Variants in EWSR1 observed in about 807,000 individuals in gnomAD.
EWSR1 encodes the protein RNA-binding protein EWS.
A neutral mutation model predicts 92.1 loss-of-function variants in EWSR1; 14 were observed. The ratio of observed to expected loss-of-function variants is 0.15; its 90% CI spans 0.10 to 0.24. The LOEUF is 0.24. Among genes scored for constraint, EWSR1 ranks in the 10% least tolerant of loss-of-function variants. EWSR1 has a pLI of 1.00. For missense variants in EWSR1, 637 were observed against 870.9 expected, an observed-to-expected ratio of 0.73 and a Z score of 3.38; for synonymous variants, 303 against 292.9, an observed-to-expected ratio of 1.03 and a Z score of -0.35.
At chr22:29,282,765 T>A (rs1401332127) in intron 6 of EWSR1, among the ~76,000 whole-genome samples, 3 of 151,632 alleles carry the variant, frequency 2.0e-5, no homozygotes, top group Non-Finnish European at 4.4e-5. Context: ...TTTTTCTTTT[T>A]TTTTTTTTTT....
intron 8 of EWSR1, chr22:29,290,211 C>T (rs868073771): frequency 2.4e-5 from 12 of 510,510 alleles, no homozygotes; most frequent in Middle Eastern, 4.9e-4. Flanking sequence ...AGCAGTCTGT[C>T]GGATCCTGTG....
Position 29,299,747 on chromosome 22 carries a change from C to T in EWSR1, c.1827C>T (p.Gly609=), listed in dbSNP as rs182236482. 7 of 1,609,206 alleles carry T rather than the reference C, an allele frequency of 4.3e-6. No individual in the cohort carries two copies. Among genetic ancestry groups the T allele is most frequent in the Admixed American group, 1.7e-5 (1 of 59,518 alleles). The change falls in exon 16 of 17, where the codon GGC becomes GGT. Residue 609 remains glycine, a synonymous_variant. Transcript: ENST00000397938. ...FRGGRGMDRG[G]FGGGRRGGPG... is the part of the protein sequence containing the mutation. ...GTGGCCGGGGCATGGACCGAGGTGGCTTTGGTGGAGGAAGACGAGGTGGCC... is the reference window on the plus strand; with the variant it reads ...GTGGCCGGGGCATGGACCGAGGTGGTTTTGGTGGAGGAAGACGAGGTGGCC...
chr22:29,292,107 A>T (rs1461998349), intron 9 of EWSR1, 30 bp from the exon 10 acceptor site: 1 of 1,608,766 alleles, frequency 6.2e-7, no homozygotes, highest in Non-Finnish European at 8.5e-7. Flanking sequence ...TGCACTAATA[A>T]TATTTTATAT....
rs143683173 is a variant in EWSR1 at position 29,296,798 on chromosome 22, T to C, written c.1294+430T>C. ...GCTTGCACCTGTAATCCCAGCACTT[T>C]GGGAGGCCAACATCGGTGCATTGCT... On this transcript the variant is annotated intron_variant, in intron 12 of 16. Coordinates refer to ENST00000397938, the MANE Select transcript of EWSR1 (RefSeq NM_005243.4). Among the ~76,000 whole-genome samples, 48 of 152,290 alleles carry C rather than the reference T, an allele frequency of 3.2e-4. No individual in the cohort carries two copies. In the East Asian group the frequency reaches 8.5e-3, roughly 27 times the overall value.
chr22:29,288,725 G>C lies in EWSR1; in HGVS notation c.913G>C (p.Gly305Arg). 1.2e-6 allele frequency: 2 copies of C among 1,613,892 alleles called. No homozygotes were observed. The highest frequency in any genetic ancestry group is 1.7e-6 in the Non-Finnish European group (2 of 1,179,824). ...SGPDNRGRGRGGFDRGGMSRG... is the reference protein window; with the variant it reads ...SGPDNRGRGRRGFDRGGMSRG... Reference sequence around the variant, plus strand: ...CCCTGATAACCGGGGCAGGGGAAGAGGGGGATTTGATCGTGGAGGCATGAG... The same window carrying C: ...CCCTGATAACCGGGGCAGGGGAAGACGGGGATTTGATCGTGGAGGCATGAG... Residue 305 changes from glycine to arginine, a missense_variant, in exon 8 of 17, where the codon GGG becomes CGG. Around this residue, in one of 5 missense-constraint regions of EWSR1, gnomAD observed 116 missense variants for 167.8 expected, o/e 0.69. Transcript: ENST00000397938.
At chr22:29,276,253 T>G (rs2146946028) in intron 4 of EWSR1, 1 of 230,374 alleles carries the variant, frequency 4.3e-6, no homozygotes, top group Non-Finnish European at 8.6e-6. Flanking sequence ...ATGAATGCCT[T>G]ATGTGGTTGA....
At chr22:29,269,654 A>C (rs995311840) in intron 1 of EWSR1, 1 of 152,254 alleles carries the variant, frequency 6.6e-6, no homozygotes, top group African/African-American at 2.4e-5. Context: ...ATCTGTGGTC[A>C]ATAAACAGGT....
intron 6 of EWSR1, among the ~76,000 whole-genome samples, chr22:29,286,398 C>T (rs1039203034): frequency 2.0e-5 from 3 of 151,966 alleles, no homozygotes; most frequent in Admixed American, 2.0e-4. Flanking sequence ...TATAATATTT[C>T]CCCCTCCCAG....
chr22:29,298,697 G>A (rs1307585642), intron 13 of EWSR1, 36 bp from the exon 14 acceptor site: 3 of 1,611,816 alleles, frequency 1.9e-6, no homozygotes, highest in Middle Eastern at 2.1e-4. Flanking sequence ...GTGCTACAGA[G>A]AAATGATTTG....
chr22:29,299,994 CT>C, intron 16 of EWSR1, 127 bp from the exon 17 acceptor site: 1 of 1,227,578 alleles, frequency 8.1e-7, no homozygotes, highest in East Asian at 2.7e-5. Flanking sequence ...CCTGGGGGCT[CT>C]GGAAGGGCTT....
intron 8 of EWSR1, chr22:29,289,996 A>G (rs2060330435): frequency 4.3e-6 from 1 of 233,188 alleles, no homozygotes. Flanking sequence ...AAGTACTATC[A>G]TCACGTCTCA....
intron 9 of EWSR1, chr22:29,291,931 C>G (rs546059324): frequency 1.7e-6 from 1 of 602,270 alleles, no homozygotes; most frequent in East Asian, 2.8e-5. Context: ...GGTTTAGAAG[C>G]AAACCAGCAA....
intron 12 of EWSR1, among the ~76,000 whole-genome samples, chr22:29,296,959 G>A (rs2060908938): frequency 6.6e-6 from 1 of 152,168 alleles, no homozygotes; most frequent in Non-Finnish European, 1.5e-5. Flanking sequence ...TGAGGTGGGA[G>A]GATCACTTGA....
chr22:29,272,944 G>C (rs2058802227), intron 3 of EWSR1, among the ~76,000 whole-genome samples: 1 of 152,128 alleles, frequency 6.6e-6, no homozygotes, highest in African/African-American at 2.4e-5. Flanking sequence ...GCCTTCTAGT[G>C]TTTTCAAGAT....
intron 4 of EWSR1, chr22:29,276,632 T>C (rs1428179656): frequency 1.4e-5 from 3 of 214,858 alleles, no homozygotes; most frequent in East Asian, 6.8e-5. Context: ...AGATGTAGAC[T>C]TTTTTTTTGG....
chr22:29,268,821 G>A (rs1372646891), intron 1 of EWSR1, among the ~76,000 whole-genome samples: 1 of 152,252 alleles, frequency 6.6e-6, no homozygotes, highest in African/African-American at 2.4e-5. Context: ...AGCAAATAAA[G>A]ATACCGTGGA....
At chr22:29,272,074 A>G (rs2058724422) in intron 1 of EWSR1, 142 bp from the exon 2 acceptor site, 2 of 694,078 alleles carry the variant, frequency 2.9e-6, no homozygotes, top group South Asian at 3.4e-5. Flanking sequence ...TTGAGAGGTA[A>G]GGGGGACTCA....
intron 1 of EWSR1, 46 bp downstream of exon 1, chr22:29,268,395 C>G: frequency 1.2e-6 from 2 of 1,613,822 alleles, no homozygotes; most frequent in East Asian, 2.2e-5. Flanking sequence ...GCCGGAACGC[C>G]CAAACTGGGG....
intron 4 of EWSR1, chr22:29,276,659 C>G (rs2059149125): frequency 8.8e-6 from 2 of 228,216 alleles, no homozygotes; most frequent in South Asian, 3.7e-4. Context: ...ATGCCAGCAC[C>G]TAGACCAAAG....
Sources: allele counts gnomAD v4.1 joint callset (sites outside exome capture counted in the v4.1 genomes callset), GRCh38; gene constraint gnomAD v4.1.1; regional missense constraint gnomAD v4.1.1; transcripts MANE v1.5; gene names NCBI Gene and HGNC (gene_info 2026-07-23, HGNC 2026-07-21).